Variants in CYP4Z1 observed in about 807,000 individuals in gnomAD.
CYP4Z1 encodes the protein cytochrome P450 family 4 subfamily Z member 1.
CYP4Z1 carries 41 observed loss-of-function variants against 54.2 expected under a neutral mutation model. The observed-to-expected ratio is 0.76, with a 90% CI of 0.59 to 0.98. The LOEUF (loss-of-function observed/expected upper bound fraction) is 0.98. CYP4Z1 is among the 50% of genes least tolerant of loss of function. CYP4Z1 has a pLI of 0.00. For missense variants in CYP4Z1, 513 were observed against 599.0 expected (o/e 0.86, Z 1.50); for synonymous variants, 163 against 206.2 (o/e 0.79, Z 1.79).
At chr1:47,102,848 A>G (rs2148538153) in intron 8 of CYP4Z1, among the ~76,000 whole-genome samples, 1 of 152,290 alleles carries the variant, frequency 6.6e-6, no homozygotes, top group African/African-American at 2.4e-5. Flanking sequence ...TTAAGCCTCC[A>G]GTATGTGGAC....
intron 6 of CYP4Z1, among the ~76,000 whole-genome samples, 153 bp from the exon 7 acceptor site, chr1:47,094,413 A>G (rs1644661383): frequency 6.6e-6 from 1 of 152,198 alleles, no homozygotes; most frequent in Non-Finnish European, 1.5e-5. Flanking sequence ...TTAAAAAGAC[A>G]GCTAGTGGTA....
At chr1:47,058,303 G>A in the CYP4Z1 span, among the ~76,000 whole-genome samples, 1 of 151,974 alleles carries the variant, frequency 6.6e-6, no homozygotes, top group South Asian at 2.1e-4. Context: ...CTTTTAAAAT[G>A]GTGTCCTTGC....
At chr1:47,112,832 T>C (rs1208811750) in intron 9 of CYP4Z1, among the ~76,000 whole-genome samples, 1 of 152,160 alleles carries the variant, frequency 6.6e-6, no homozygotes, top group Non-Finnish European at 1.5e-5. Context: ...TCCATTAATA[T>C]AATTTATTAC....
chr1:47,089,882 G>A (rs1276376097), intron 6 of CYP4Z1, among the ~76,000 whole-genome samples: 19 of 152,258 alleles, frequency 1.2e-4, no homozygotes, highest in Non-Finnish European at 2.4e-4. Flanking sequence ...TAGAGAATAA[G>A]TTCAGGCTTA....
intron 6 of CYP4Z1, 85 bp downstream of exon 6, chr1:47,085,063 C>T: frequency 1.7e-6 from 1 of 603,248 alleles, no homozygotes; most frequent in Non-Finnish European, 2.9e-6. Flanking sequence ...GCTGCTTCTA[C>T]TATGGACATA....
At chr1:47,077,155 T>C (rs1306949524) in intron 2 of CYP4Z1, among the ~76,000 whole-genome samples, 2 of 151,358 alleles carry the variant, frequency 1.3e-5, no homozygotes, top group African/African-American at 2.5e-5. Flanking sequence ...ATCATTGTTC[T>C]GTCCATTATT....
chr1:47,088,114 T>G (rs1331636684), intron 6 of CYP4Z1, among the ~76,000 whole-genome samples: 1 of 152,192 alleles, frequency 6.6e-6, no homozygotes, highest in Non-Finnish European at 1.5e-5. Flanking sequence ...TTATTAAGGA[T>G]TTTTGCATCA....
the CYP4Z1 span, among the ~76,000 whole-genome samples, chr1:47,056,319 T>C: frequency 3.9e-5 from 6 of 152,194 alleles, no homozygotes; most frequent in African/African-American, 1.4e-4. Flanking sequence ...TTACATTTGC[T>C]GAGGAGTGCT....
intron 6 of CYP4Z1, among the ~76,000 whole-genome samples, chr1:47,086,364 T>C (rs1644594709): frequency 6.6e-6 from 1 of 152,182 alleles, no homozygotes; most frequent in African/African-American, 2.4e-5. Context: ...TGTTGTTTCC[T>C]GACTTTTTAA....
Position 47,117,851 on chromosome 1 carries a change from C to G in CYP4Z1, c.1435C>G (p.His479Asp), listed in dbSNP as rs776982528. ...GCTCCGCTTCAAGCTGGCTCCAGACCACTCAAGGCCTCCCCAGCCTGTTCG... is the reference window on the plus strand; with the variant it reads ...GCTCCGCTTCAAGCTGGCTCCAGACGACTCAAGGCCTCCCCAGCCTGTTCG... ...TLLRFKLAPDHSRPPQPVRQV... is the reference protein window; with the variant it reads ...TLLRFKLAPDDSRPPQPVRQV... The change falls in exon 12 of 12, where the codon CAC becomes GAC. Residue 479 changes from histidine (H) to aspartate (D), a missense_variant. Physicochemically the swap from His to Asp is moderately conservative, Grantham distance 81 (BLOSUM62 -1). Transcript: ENST00000334194. 6.2e-7 allele frequency: 1 copy of G among 1,613,696 alleles called. No homozygotes were observed. Among genetic ancestry groups the G allele is most frequent in the Non-Finnish European group, 8.5e-7 (1 of 1,179,822 alleles).
chr1:47,077,776 A>G (rs1421209233), intron 2 of CYP4Z1, among the ~76,000 whole-genome samples: 1 of 151,694 alleles, frequency 6.6e-6, no homozygotes, highest in Non-Finnish European at 1.5e-5. Context: ...CTGCACCACT[A>G]TGCCTGGCTA....
chr1:47,077,618 A>G (rs1420393162), intron 2 of CYP4Z1, among the ~76,000 whole-genome samples: 3 of 151,580 alleles, frequency 2.0e-5, no homozygotes, highest in Non-Finnish European at 4.4e-5. Context: ...TGTTTTTTAT[A>G]TGTCTTATTT....
At chr1:47,104,633 G>C (rs1473226862) in intron 8 of CYP4Z1, among the ~76,000 whole-genome samples, 1 of 152,202 alleles carries the variant, frequency 6.6e-6, no homozygotes, top group Non-Finnish European at 1.5e-5. Flanking sequence ...TGTGGTGGTA[G>C]CAGCAGATTG....
At chr1:47,064,905 C>T (rs1310738948), upstream of CYP4Z1, among the ~76,000 whole-genome samples, 1 of 152,028 alleles carries the variant, frequency 6.6e-6, no homozygotes, top group African/African-American at 2.4e-5. Context: ...GTTCTTATAC[C>T]AGACATAACA....
At chr1:47,100,689 ATTG>A (rs1156712738) in intron 8 of CYP4Z1, among the ~76,000 whole-genome samples, 2 of 152,194 alleles carry the variant, frequency 1.3e-5, no homozygotes, top group African/African-American at 4.8e-5. Context: ...ATTATTAGTT[ATTG>A]TTATTAATCT....
chr1:47,087,259 G>A (rs528969131), intron 6 of CYP4Z1, among the ~76,000 whole-genome samples: 165 of 152,200 alleles, frequency 1.1e-3, no homozygotes, highest in African/African-American at 3.9e-3. Context: ...GATGGGGATG[G>A]CATTGAATGT....
At chr1:47,062,751 C>T (rs1414621475), upstream of CYP4Z1, among the ~76,000 whole-genome samples, 1 of 152,142 alleles carries the variant, frequency 6.6e-6, no homozygotes, top group African/African-American at 2.4e-5. Flanking sequence ...TGGTCTTTCT[C>T]TACCCACCCT....
At chr1:47,084,509 T>A in intron 4 of CYP4Z1, 111 bp from the exon 5 acceptor site, 1 of 1,479,058 alleles carries the variant, frequency 6.8e-7, no homozygotes, top group Non-Finnish European at 9.1e-7. Context: ...CAAATTCATT[T>A]TGTACGCTTT....
chr1:47,098,828 A>C (rs949664873), intron 7 of CYP4Z1, among the ~76,000 whole-genome samples: 1 of 152,206 alleles, frequency 6.6e-6, no homozygotes, highest in African/African-American at 2.4e-5. Flanking sequence ...TTATTCCCTT[A>C]AGTAAAATTA....
Sources: gnomAD v4.1 joint callset for allele counts (sites outside exome capture counted in the v4.1 genomes callset) on GRCh38, gnomAD v4.1.1 for gene constraint, MANE v1.5 for transcripts, NCBI Gene and HGNC (gene_info 2026-07-23, HGNC 2026-07-21) for gene names.